DCC: variants seen among roughly 807,000 people sequenced by gnomAD.
DCC encodes the protein netrin receptor DCC.
Under a neutral mutation model 172.5 loss-of-function variants are expected in DCC, and 58 were observed. That is an observed-to-expected ratio of 0.34 (90% confidence interval 0.27 to 0.42). The LOEUF is 0.42. Ranked by LOEUF, DCC falls within the 10% of genes least tolerant of loss-of-function variation. DCC has a pLI of 1.00. For missense variants in DCC, 1,740 were observed against 1,791.0 expected (o/e 0.97, Z 0.51); for synonymous variants, 709 against 644.5 (o/e 1.10, Z -1.52).
chr18:53,316,885 T>A (rs2057349896), intron 13 of DCC, among the ~76,000 whole-genome samples: 1 of 152,242 alleles, frequency 6.6e-6, no homozygotes, highest in African/African-American at 2.4e-5. Flanking sequence ...AATTAGGTCA[T>A]CTGCAAACAG....
chr18:52,667,415 A>G (rs1449305900), intron 1 of DCC, among the ~76,000 whole-genome samples: 1 of 152,230 alleles, frequency 6.6e-6, no homozygotes, highest in Non-Finnish European at 1.5e-5. Flanking sequence ...CACGAGTTCT[A>G]TTTTATTTCC....
chr18:52,819,297 C>T (rs1256375509), intron 2 of DCC, among the ~76,000 whole-genome samples: 1 of 152,140 alleles, frequency 6.6e-6, no homozygotes, highest in African/African-American at 2.4e-5. Flanking sequence ...ATGTCATTTT[C>T]CGAGCTTGCA....
intron 7 of DCC, among the ~76,000 whole-genome samples, chr18:53,089,473 T>G (rs1489694939): frequency 1.3e-5 from 2 of 152,182 alleles, no homozygotes; most frequent in African/African-American, 2.4e-5. Context: ...AAGGCATTTA[T>G]GCTTTTGCAG....
At chr18:52,545,750 G>T (rs1042394481) in intron 1 of DCC, among the ~76,000 whole-genome samples, 5 of 152,100 alleles carry the variant, frequency 3.3e-5, no homozygotes, top group Admixed American at 3.3e-4. Flanking sequence ...GAGACCAGGG[G>T]TCATATATTT....
At position 53,533,891 on chromosome 18, in the gene DCC, TGGTTCCAGCTACACAA is replaced by T. The variant is rs1201844112; in HGVS notation, c.*3241_*3256del. The T allele has an allele frequency of 6.6e-6, 1 of 152,216 alleles. No individual in the cohort carries two copies. The highest frequency in any genetic ancestry group is 1.5e-5 in the Non-Finnish European group (1 of 68,036). The allele number at this position is 152,216 out of a possible 1,614,324, so 9.4% of individuals were successfully genotyped here. A position where few individuals can be genotyped will look rare whatever the true frequency, so the allele number is the denominator to read the frequency against. On this transcript the variant is annotated 3_prime_UTR_variant, in exon 29 of 29. Transcript: ENST00000442544. ...TAGGTGTATGTTCAATCTCCTGCTT[TGGTTCCAGCTACACAA>T]GGAGAGCCATCCTGTGCTAGTGTGA... is the stretch of plus-strand genomic sequence containing the variant.
At chr18:53,194,635 A>G (rs868089103) in intron 9 of DCC, among the ~76,000 whole-genome samples, 3 of 151,850 alleles carry the variant, frequency 2.0e-5, no homozygotes, top group South Asian at 4.2e-4. Context: ...GCACCCAGCT[A>G]ATTTTTGTAT....
intron 7 of DCC, among the ~76,000 whole-genome samples, chr18:53,109,687 T>A (rs2043302382): frequency 6.6e-6 from 1 of 151,372 alleles, no homozygotes; most frequent in South Asian, 2.1e-4. Context: ...GAAGATTTGG[T>A]AATGAGAAGA....
chr18:52,762,811 A>C (rs1172901631), intron 2 of DCC, among the ~76,000 whole-genome samples: 1 of 152,174 alleles, frequency 6.6e-6, no homozygotes, highest in Non-Finnish European at 1.5e-5. Context: ...CAACAGAGTG[A>C]GATCACAACT....
Position 53,099,378 on chromosome 18 carries a change from A to T in DCC, c.1261+33212A>T, listed in dbSNP as rs149363058. ...GCAGTAGGAGTCCTTCTAGCTTCCT[A>T]CTATGCCCTTTGACATGTTTTAATT... On this transcript the variant is annotated intron_variant, in intron 7 of 28. Transcript: ENST00000442544. Among the ~76,000 whole-genome samples, 24 of 152,216 alleles carry T rather than the reference A, an allele frequency of 1.6e-4. 1 individual carries two copies. In the East Asian group the frequency reaches 4.3e-3, roughly 27 times the overall value.
chr18:53,522,504 C>T (rs143364656), intron 27 of DCC, among the ~76,000 whole-genome samples: 283 of 152,250 alleles, frequency 1.9e-3, no homozygotes, highest in African/African-American at 6.2e-3. Context: ...CATCATGCTA[C>T]CTGACTGCAA....
chr18:53,360,762 A>T (rs1350738375), intron 15 of DCC, among the ~76,000 whole-genome samples: 1 of 152,202 alleles, frequency 6.6e-6, no homozygotes, highest in Non-Finnish European at 1.5e-5. Context: ...ATAGAATATT[A>T]CTGAAAAGTC....
chr18:52,414,239 C>T lies in DCC; in HGVS notation c.91+73361C>T, dbSNP rs189291438. Among the ~76,000 whole-genome samples, 16 of 152,138 alleles carry T rather than the reference C, an allele frequency of 1.1e-4. No homozygotes were observed. In the East Asian group the frequency reaches 1.6e-3, roughly 15 times the overall value. ...GGGAATACAGGTGCCCGCCACCATG[C>T]CTGGCTAATTATTTTTGTATTTTTA... On this transcript the variant is annotated intron_variant, in intron 1 of 28. Transcript: ENST00000442544.
At chr18:53,490,047 C>T (rs1396036078) in intron 26 of DCC, among the ~76,000 whole-genome samples, 2 of 152,142 alleles carry the variant, frequency 1.3e-5, no homozygotes, top group African/African-American at 2.4e-5. Context: ...AAGTGATTTC[C>T]ACTCTTCCTT....
intron 5 of DCC, among the ~76,000 whole-genome samples, chr18:52,971,785 T>A (rs999824308): frequency 3.9e-5 from 6 of 152,190 alleles, no homozygotes; most frequent in Non-Finnish European, 5.9e-5. Context: ...AGAAGTCAAG[T>A]TGTGCAGAAA....
At chr18:53,352,319 G>T (rs1046120739) in intron 15 of DCC, among the ~76,000 whole-genome samples, 21 of 152,112 alleles carry the variant, frequency 1.4e-4, no homozygotes, top group African/African-American at 4.6e-4. Flanking sequence ...GAAAGAGACA[G>T]AAAAGCAAAT....
intron 12 of DCC, among the ~76,000 whole-genome samples, chr18:53,234,677 C>T (rs1193088794): frequency 2.0e-5 from 3 of 152,134 alleles, no homozygotes; most frequent in Non-Finnish European, 4.4e-5. Flanking sequence ...AATCCCTTGG[C>T]AATTTAGTGA....
intron 2 of DCC, among the ~76,000 whole-genome samples, chr18:52,841,930 C>T (rs1035988455): frequency 2.6e-5 from 4 of 151,862 alleles, no homozygotes; most frequent in East Asian, 1.9e-4. Flanking sequence ...ACAACCGGAA[C>T]AAATATGAGA....
At chr18:53,142,212 C>T (rs1314686356) in intron 7 of DCC, among the ~76,000 whole-genome samples, 1 of 152,220 alleles carries the variant, frequency 6.6e-6, no homozygotes, top group Non-Finnish European at 1.5e-5. Context: ...CCAGGTGATA[C>T]AAAAGCGTCA....
chr18:53,185,418 A>G (rs1236198761), intron 9 of DCC, among the ~76,000 whole-genome samples: 1 of 152,214 alleles, frequency 6.6e-6, no homozygotes, highest in East Asian at 1.9e-4. Context: ...TACAGTTTCC[A>G]GTACAGTAAC....
Sources: gnomAD v4.1 joint callset for allele counts (sites outside exome capture counted in the v4.1 genomes callset) on GRCh38, gnomAD v4.1.1 for gene constraint, MANE v1.5 for transcripts, NCBI Gene and HGNC (gene_info 2026-07-23, HGNC 2026-07-21) for gene names.